HERC2: variants seen among roughly 807,000 people sequenced by gnomAD.
HERC2 encodes HECT and RLD domain containing E3 ubiquitin protein ligase 2.
HERC2 carries 102 observed loss-of-function variants against 537.7 expected under a neutral mutation model. The ratio of observed to expected loss-of-function variants is 0.19; its 90% CI spans 0.16 to 0.22. The LOEUF (loss-of-function observed/expected upper bound fraction) is 0.22. Ranked by LOEUF, HERC2 falls within the 10% of genes least tolerant of loss-of-function variation. HERC2 has a pLI of 1.00. For synonymous variants in HERC2, 2,224 were observed against 2,466.2 expected (o/e 0.90, Z 2.91); for missense variants, 4,236 against 6,198.2 (o/e 0.68, Z 10.63).
intron 12 of HERC2, among the ~76,000 whole-genome samples, chr15:28,266,752 AG>A (rs1468554131): frequency 2.0e-5 from 3 of 152,196 alleles, no homozygotes; most frequent in Non-Finnish European, 2.9e-5. Context: ...AGAGGTTGTC[AG>A]GAACTGGAGG....
intron 9 of HERC2, 103 bp from the exon 10 acceptor site, chr15:28,270,971 AC>A (rs1373840401): frequency 2.1e-6 from 2 of 930,578 alleles, no homozygotes; most frequent in African/African-American, 1.7e-5. Flanking sequence ...GACTCATTTG[AC>A]CCATCAAATG....
chr15:28,168,553 T>A lies in HERC2; in HGVS notation c.10267A>T (p.Ile3423Phe). The A allele has an allele frequency of 6.2e-7, 1 of 1,614,084 alleles. No homozygotes were observed. Among genetic ancestry groups the A allele is most frequent in the Non-Finnish European group, 8.5e-7 (1 of 1,179,992 alleles). Reference protein sequence around the residue: ...VVGALMPAAMIAPVECPSFSS... With the variant: ...VVGALMPAAMFAPVECPSFSS... ...AACGAGGGGCACTCCACCGGGGCGA[T>A]CATGGCGGCCGGCATCAGGGCCCCG... is the stretch of plus-strand genomic sequence containing the variant. The change falls in exon 67 of 93, where the codon ATC (isoleucine) becomes TTC (phenylalanine). Residue 3423 changes from isoleucine to phenylalanine, a missense_variant. Physicochemically the swap from Ile to Phe is conservative, Grantham distance 21 (BLOSUM62 0). Around this residue, in one of 27 missense-constraint regions of HERC2, gnomAD observed 356 missense variants for 450.9 expected, o/e 0.79. Coordinates refer to ENST00000261609, the MANE Select transcript of HERC2 (RefSeq NM_004667.6).
At position 28,204,319 on chromosome 15, in the gene HERC2, T is replaced by C. The variant is rs1053561559; in HGVS notation, c.7213-1705A>G. Among the ~76,000 whole-genome samples the C allele has an allele frequency of 5.1e-4, 78 of 152,238 alleles. 2 individuals carry two copies. The highest frequency in any genetic ancestry group is 1.9e-3 in the South Asian group (9 of 4,820). On this transcript the variant is annotated intron_variant, in intron 45 of 92. Coordinates refer to ENST00000261609, the MANE Select transcript of HERC2 (RefSeq NM_004667.6). ...TAACTATCAGAAATATGTTTTAAAATGTACAGCAAAAGATAGATTTGGCCA... is the reference window on the plus strand; with the variant it reads ...TAACTATCAGAAATATGTTTTAAAACGTACAGCAAAAGATAGATTTGGCCA...
intron 52 of HERC2, among the ~76,000 whole-genome samples, chr15:28,195,272 C>G (rs1368266954): frequency 1.3e-5 from 2 of 151,942 alleles, no homozygotes; most frequent in Admixed American, 1.3e-4. Context: ...GAGTGAGACT[C>G]TGTCTCAAAA....
intron 30 of HERC2, among the ~76,000 whole-genome samples, chr15:28,232,420 G>A (rs185245116): frequency 4.8e-4 from 73 of 152,116 alleles, no homozygotes; most frequent in African/African-American, 1.7e-3. Flanking sequence ...GGTGCCTGTA[G>A]TGCCTATAAT....
At chr15:28,301,033 T>C (rs2076609530) in intron 2 of HERC2, among the ~76,000 whole-genome samples, 3 of 151,754 alleles carry the variant, frequency 2.0e-5, no homozygotes, top group African/African-American at 7.3e-5. Context: ...CATTTCCCAA[T>C]AAAAGACGCT....
intron 3 of HERC2, among the ~76,000 whole-genome samples, chr15:28,297,170 C>T (rs1015251153): frequency 3.3e-5 from 5 of 152,074 alleles, no homozygotes; most frequent in Non-Finnish European, 5.9e-5. Context: ...GAGTTGATTC[C>T]ATGAAATGGG....
At chr15:28,274,224 G>A (rs960304116) in intron 7 of HERC2, 67 bp downstream of exon 7, 71 of 1,538,082 alleles carry the variant, frequency 4.6e-5, no homozygotes, top group Non-Finnish European at 6.1e-5. Context: ...TAAAGCAAGG[G>A]TGGTAAGAAC....
chr15:28,156,965 T>C (rs867130671), intron 69 of HERC2, among the ~76,000 whole-genome samples: 4 of 152,256 alleles, frequency 2.6e-5, no homozygotes, highest in African/African-American at 9.6e-5. Flanking sequence ...GAAGGGCTGT[T>C]GAATTTTGTC....
In HERC2 at chr15:28,300,989, T is replaced by C. The variant is rs1385574802; in HGVS notation, c.73-1473A>G. Among the ~76,000 whole-genome samples, 8 of 152,004 alleles carry C rather than the reference T, an allele frequency of 5.3e-5. No homozygotes were observed. In the East Asian group the frequency reaches 1.5e-3, roughly 29 times the overall value. ...TAAAGGACTAGAATCAAAGGCAATC[T>C]GACAGCGGCACCCAGATTTTGGTCT... On this transcript the variant is annotated intron_variant, in intron 2 of 92. Transcript: ENST00000261609.
intron 2 of HERC2, among the ~76,000 whole-genome samples, chr15:28,316,222 CAAA>C (rs869089875): frequency 5.1e-3 from 257 of 50,424 alleles, no homozygotes; most frequent in African/African-American, 7.5e-3. Flanking sequence ...GACTCTGTCT[CAAA>C]AAAAAAAAAA....
chr15:28,246,811 C>T lies in HERC2; in HGVS notation c.3322G>A (p.Ala1108Thr), dbSNP rs778422968. 1.4e-5 allele frequency: 22 copies of T among 1,609,752 alleles called. No homozygotes were observed. The highest frequency in any genetic ancestry group is 5.3e-5 in the African/African-American group (4 of 74,772). ...CGCCAGCTGGTAGAAGCAATGCTGG[C>T]GGCCACAGGCAGTATATCTCCAATG... ...THIGDILPVA[A>T]SIASTSWRHF... Residue 1108 changes from alanine to threonine, a missense_variant, in exon 22 of 93, where the codon GCC (alanine) becomes ACC (threonine). Physicochemically the swap from Ala to Thr is moderately conservative, Grantham distance 58. This residue lies in a region of HERC2 where 754 missense variants were observed against 1,085.0 expected (regional missense o/e 0.69). Coordinates refer to ENST00000261609, the MANE Select transcript of HERC2 (RefSeq NM_004667.6).
intron 68 of HERC2, among the ~76,000 whole-genome samples, chr15:28,164,701 C>T (rs1024390897): frequency 1.3e-5 from 2 of 152,028 alleles, no homozygotes; most frequent in African/African-American, 4.8e-5. Context: ...TGAGTCAAGC[C>T]AAAACTGAAA....
At chr15:28,275,469 C>T (rs943769433) in intron 5 of HERC2, among the ~76,000 whole-genome samples, 16 of 152,254 alleles carry the variant, frequency 1.1e-4, no homozygotes, top group Non-Finnish European at 1.0e-4. Flanking sequence ...GCCCTGCGTG[C>T]TTGACCCACC....
At chr15:28,254,582 C>G in intron 19 of HERC2, 64 bp from the exon 20 acceptor site, 2 of 1,161,220 alleles carry the variant, frequency 1.7e-6, no homozygotes, top group Non-Finnish European at 2.4e-6. Context: ...GACACACAGG[C>G]TGGCTGAGCC....
chr15:28,254,665 T>C, intron 19 of HERC2, 147 bp from the exon 20 acceptor site: 1 of 564,858 alleles, frequency 1.8e-6, no homozygotes, highest in Non-Finnish European at 3.1e-6. Flanking sequence ...CCATCTGCCT[T>C]GTTGGAAACC....
Position 28,274,370 on chromosome 15 carries a change from A to G in HERC2, c.721T>C (p.Phe241Leu). Residue 241 changes from phenylalanine to leucine, a missense_variant, in exon 7 of 93, where the codon TTT becomes CTT. Phe to Leu is a conservative substitution (Grantham distance 22). Around this residue, in one of 27 missense-constraint regions of HERC2, gnomAD observed 491 missense variants for 559.3 expected, o/e 0.88. Coordinates refer to ENST00000261609, the MANE Select transcript of HERC2 (RefSeq NM_004667.6). ...ALRALPEASL[F>L]DESTVSSVWL... ...ACAGAGGACACGGTGCTCTCGTCAA[A>G]GAGCGAGGCCTCGGGAAGTGCTCGC... is the stretch of plus-strand genomic sequence containing the variant. The G allele has an allele frequency of 6.2e-7, 1 of 1,614,200 alleles. No homozygotes were observed. The highest frequency in any genetic ancestry group is 8.5e-7 in the Non-Finnish European group (1 of 1,180,022).
At chr15:28,237,223 G>A (rs1902558817) in intron 25 of HERC2, 110 bp from the exon 26 acceptor site, 4 of 904,546 alleles carry the variant, frequency 4.4e-6, no homozygotes, top group African/African-American at 1.7e-5. Flanking sequence ...GCCCAGGGGT[G>A]CTCTGGGCAT....
Position 28,191,970 on chromosome 15 carries a change from C to A in HERC2, c.8442G>T (p.Ser2814=). 3 of 1,613,080 alleles carry A rather than the reference C, an allele frequency of 1.9e-6. No homozygotes were observed. The highest frequency in any genetic ancestry group is 2.2e-5 in the East Asian group (1 of 44,872). The change falls in exon 53 of 93, where the codon TCG becomes TCT. Residue 2814 remains serine, a synonymous_variant. Transcript: ENST00000261609. ...GSEPCWQSSG[S]QGKHWIRLEI... ...CCCTATTAGATGCTACCTTTCCTTG[C>A]GACCCCGATGACTGCCAGCAGGGCT...
Sources: allele counts gnomAD v4.1 joint callset (sites outside exome capture counted in the v4.1 genomes callset), GRCh38; gene constraint gnomAD v4.1.1; regional missense constraint gnomAD v4.1.1; transcripts MANE v1.5; gene names NCBI Gene and HGNC (gene_info 2026-07-23, HGNC 2026-07-21).